The following BUB1B variants were observed in gnomAD, a reference collection of about 807,000 sequenced individuals.
The protein encoded by BUB1B is mitotic checkpoint serine/threonine-protein kinase BUB1 beta.
A neutral mutation model predicts 137.7 loss-of-function variants in BUB1B; 86 were observed. That is an observed-to-expected ratio of 0.62 (90% CI 0.52 to 0.75). The LOEUF (loss-of-function observed/expected upper bound fraction) is 0.75. BUB1B is among the 30% of genes least tolerant of loss of function. BUB1B has a pLI of 0.00. For synonymous variants in BUB1B, 420 were observed against 417.9 expected, an observed-to-expected ratio of 1.00 and a Z score of -0.06; for missense variants, 1,130 against 1,236.9, an observed-to-expected ratio of 0.91 and a Z score of 1.30.
intron 8 of BUB1B, among the ~76,000 whole-genome samples, chr15:40,186,076 A>G (rs554324483): frequency 1.5e-4 from 23 of 152,196 alleles, no homozygotes; most frequent in Non-Finnish European, 2.9e-4. Context: ...AGCTATTGGA[A>G]TAGTTCAGGC....
At chr15:40,191,673 ATTCAT>A (rs1212478159) in intron 8 of BUB1B, among the ~76,000 whole-genome samples, 2 of 152,150 alleles carry the variant, frequency 1.3e-5, no homozygotes, top group Non-Finnish European at 2.9e-5. Flanking sequence ...AGGAGTCCAA[ATTCAT>A]TTTTCTTCAT....
chr15:40,176,589 A>T lies in BUB1B; in HGVS notation c.497A>T (p.Glu166Val). ...ISWAEEYEAR[E>V]NFRKADAIFQ... is the part of the protein sequence containing the mutation. The stretch of plus-strand genomic sequence containing the variant: ...TGGGCAGAAGAATATGAAGCTAGAG[A>T]AAACTTTAGGAAAGCAGATGCGATA... The change falls in exon 5 of 23, where the codon GAA becomes GTA. Residue 166 changes from glutamate to valine, a missense_variant. Physicochemically the swap from Glu to Val is moderately radical, Grantham distance 121. Coordinates refer to ENST00000287598, the MANE Select transcript of BUB1B (RefSeq NM_001211.6). 6.2e-7 allele frequency: 1 copy of T among 1,614,138 alleles called. No individual in the cohort carries two copies. Among genetic ancestry groups the T allele is most frequent in the Non-Finnish European group, 8.5e-7 (1 of 1,180,014 alleles).
In BUB1B at chr15:40,218,513, C is replaced by T; in HGVS notation, c.2908C>T (p.Gln970Ter). Reference sequence around the variant, plus strand: ...TTTACTATTGTTCAAGGAACACCTACAGGTCTTCTGGGATGGGTCCTTCTG... The same window carrying T: ...TTTACTATTGTTCAAGGAACACCTATAGGTCTTCTGGGATGGGTCCTTCTG... The part of the protein sequence containing the change: ...AHLLLFKEHL[Q>*]VFWDGSFWKL... The change falls in exon 22 of 23, where the codon CAG (glutamine) becomes TAG (stop). Residue 970 changes from glutamine to a stop codon, truncating the protein, a stop_gained. Coordinates refer to ENST00000287598, the MANE Select transcript of BUB1B (RefSeq NM_001211.6). LOFTEE classifies it high-confidence loss of function. The T allele has an allele frequency of 6.2e-7, 1 of 1,614,128 alleles. No individual in the cohort carries two copies. The highest frequency in any genetic ancestry group is 8.5e-7 in the Non-Finnish European group (1 of 1,179,980).
At chr15:40,203,282 A>G (rs1326293536) in intron 14 of BUB1B, among the ~76,000 whole-genome samples, 1 of 152,224 alleles carries the variant, frequency 6.6e-6, no homozygotes, top group Non-Finnish European at 1.5e-5. Flanking sequence ...CGTTATGTCA[A>G]GTGAATGAAG....
chr15:40,170,164 A>C (rs750033644), intron 3 of BUB1B, 43 bp downstream of exon 3: 29 of 1,549,334 alleles, frequency 1.9e-5, no homozygotes, highest in Non-Finnish European at 2.4e-5. Flanking sequence ...ACATTAACAG[A>C]TAAGTCCTTA....
intron 8 of BUB1B, among the ~76,000 whole-genome samples, chr15:40,188,280 T>C (rs571340448): frequency 5.6e-4 from 86 of 152,260 alleles, no homozygotes; most frequent in Admixed American, 1.2e-3. Flanking sequence ...ACTGACCTCG[T>C]GATCTGCCTG....
In BUB1B at chr15:40,206,349, GA is replaced by G. The variant is rs1286781975; in HGVS notation, c.1901del (p.Asp634ValfsTer11). The G allele has an allele frequency of 6.2e-7, 1 of 1,614,128 alleles. No individual in the cohort carries two copies. ...EIMSLKDLPS[D>X]PERLLPEEDL... ...AATGTCCTTGAAGGATCTCCCTTCT[GA>G]TCCTGAGAGACTGTTACCGGAAGAA... On this transcript the variant is annotated frameshift_variant, in exon 15 of 23. Transcript: ENST00000287598. LOFTEE classifies it high-confidence loss of function.
chr15:40,192,466 A>G (rs1345651866), intron 8 of BUB1B, among the ~76,000 whole-genome samples: 1 of 152,212 alleles, frequency 6.6e-6, no homozygotes, highest in Non-Finnish European at 1.5e-5. Flanking sequence ...GTTTTAACAA[A>G]TACATAATAT....
At chr15:40,204,690 A>G (rs947552432) in intron 14 of BUB1B, among the ~76,000 whole-genome samples, 19 of 151,644 alleles carry the variant, frequency 1.3e-4, no homozygotes, top group African/African-American at 4.6e-4. Context: ...AGGCTGGAGT[A>G]CAGTGGCATG....
intron 4 of BUB1B, among the ~76,000 whole-genome samples, chr15:40,171,093 C>T (rs1342311827): frequency 2.0e-5 from 3 of 152,090 alleles, no homozygotes; most frequent in Admixed American, 2.0e-4. Flanking sequence ...TGTGCCATTA[C>T]GTCCAGCTAA....
chr15:40,195,451 A>C (rs1338730538), intron 8 of BUB1B, among the ~76,000 whole-genome samples: 2 of 152,136 alleles, frequency 1.3e-5, no homozygotes, highest in African/African-American at 2.4e-5. Flanking sequence ...ATGCATGTGC[A>C]AGTATCTTTT....
chr15:40,165,254 C>A, intron 2 of BUB1B, 58 bp downstream of exon 2: 2 of 1,610,098 alleles, frequency 1.2e-6, no homozygotes, highest in Non-Finnish European at 1.7e-6. Context: ...TTGTAGATAA[C>A]GTGGGTGTGG....
chr15:40,168,261 G>A (rs2037124010), intron 2 of BUB1B, among the ~76,000 whole-genome samples: 1 of 152,106 alleles, frequency 6.6e-6, no homozygotes, highest in Non-Finnish European at 1.5e-5. Context: ...CAGCTACTCG[G>A]GAGGCTGAGG....
At chr15:40,220,128 T>C (rs2037875062) in intron 22 of BUB1B, among the ~76,000 whole-genome samples, 1 of 152,176 alleles carries the variant, frequency 6.6e-6, no homozygotes, top group Non-Finnish European at 1.5e-5. Context: ...TACAAACATA[T>C]TAAGCAGTAG....
chr15:40,193,389 C>T (rs1260873030), intron 8 of BUB1B, among the ~76,000 whole-genome samples: 2 of 149,254 alleles, frequency 1.3e-5, no homozygotes, highest in Non-Finnish European at 3.0e-5. Context: ...TTTTAATTTG[C>T]AATTCCTTAA....
intron 4 of BUB1B, chr15:40,174,040 T>C (rs975318425): frequency 2.8e-5 from 11 of 391,696 alleles, no homozygotes; most frequent in Non-Finnish European, 5.4e-5. Context: ...ATTTAACTTT[T>C]AGATCTATTA....
chr15:40,204,942 ATCTT>A (rs2037618768), intron 14 of BUB1B, among the ~76,000 whole-genome samples: 1 of 129,618 alleles, frequency 7.7e-6, no homozygotes, highest in South Asian at 2.4e-4. Context: ...ACCTGGCCAA[ATCTT>A]TTTTTTTTTT....
chr15:40,215,426 C>G (rs150194167), intron 20 of BUB1B, among the ~76,000 whole-genome samples: 2 of 151,820 alleles, frequency 1.3e-5, no homozygotes, highest in African/African-American at 4.8e-5. Flanking sequence ...GAACTGAGAT[C>G]GCACCATTGT....
chr15:40,163,098 G>A (rs756749942), intron 1 of BUB1B, among the ~76,000 whole-genome samples: 3 of 152,142 alleles, frequency 2.0e-5, no homozygotes, highest in East Asian at 1.9e-4. Flanking sequence ...GTTAATTGGC[G>A]TGTCTAAATG....
Sources: gnomAD v4.1 joint callset for allele counts (sites outside exome capture counted in the v4.1 genomes callset) on GRCh38, gnomAD v4.1.1 for gene constraint, MANE v1.5 for transcripts, NCBI Gene and HGNC (gene_info 2026-07-23, HGNC 2026-07-21) for gene names.